The following NELL1 variants were observed in gnomAD, a reference collection of about 807,000 sequenced individuals.
NELL1 encodes protein kinase C-binding protein NELL1.
A neutral mutation model predicts 107.4 loss-of-function variants in NELL1; 76 were observed. The ratio of observed to expected loss-of-function variants is 0.71; its 90% CI spans 0.59 to 0.86. The LOEUF (loss-of-function observed/expected upper bound fraction) is 0.86, where lower values mean the gene tolerates loss of function less well. Among genes scored for constraint, NELL1 ranks in the 40% least tolerant of loss-of-function variants. The pLI is 0.00. For synonymous variants in NELL1, 353 were observed against 341.2 expected (o/e 1.03, Z -0.38); for missense variants, 1,024 against 1,005.5 (o/e 1.02, Z -0.25).
intron 13 of NELL1, among the ~76,000 whole-genome samples, chr11:21,166,922 G>A (rs971244368): frequency 7.9e-5 from 12 of 151,796 alleles, no homozygotes; most frequent in African/African-American, 2.9e-4. Flanking sequence ...TTCTTCCCAA[G>A]CTTAAAAGTC....
chr11:21,399,706 C>T (rs568628567), intron 15 of NELL1, among the ~76,000 whole-genome samples: 2 of 151,812 alleles, frequency 1.3e-5, no homozygotes, highest in African/African-American at 2.4e-5. Context: ...GGGTGGAATA[C>T]GGCAGACCTA....
chr11:21,428,394 G>A (rs1852885570), intron 15 of NELL1, among the ~76,000 whole-genome samples: 1 of 152,074 alleles, frequency 6.6e-6, no homozygotes, highest in Admixed American at 6.5e-5. Context: ...TCATAACTCT[G>A]AAATCATAAA....
chr11:21,491,577 A>G (rs933461037), intron 15 of NELL1, among the ~76,000 whole-genome samples: 9 of 152,152 alleles, frequency 5.9e-5, no homozygotes, highest in African/African-American at 2.2e-4. Flanking sequence ...TGGTACCAGT[A>G]CCATGCTGTT....
chr11:20,693,037 A>G (rs1366595227), intron 2 of NELL1, among the ~76,000 whole-genome samples: 82 of 151,950 alleles, frequency 5.4e-4, no homozygotes, highest in African/African-American at 1.9e-3. Flanking sequence ...TTACCATTAT[A>G]TAATGGCCTT....
At chr11:21,190,542 T>C (rs1857028282) in intron 13 of NELL1, among the ~76,000 whole-genome samples, 1 of 151,772 alleles carries the variant, frequency 6.6e-6, no homozygotes, top group African/African-American at 2.4e-5. Flanking sequence ...CTGCAGTGTC[T>C]ATGCTCCTTC....
intron 12 of NELL1, among the ~76,000 whole-genome samples, chr11:20,994,784 G>A (rs1314750277): frequency 4.6e-5 from 7 of 152,152 alleles, no homozygotes; most frequent in Non-Finnish European, 8.8e-5. Flanking sequence ...AGTTATTTTA[G>A]TGTAATATCC....
intron 13 of NELL1, among the ~76,000 whole-genome samples, chr11:21,155,520 C>A (rs1401785407): frequency 6.6e-6 from 1 of 152,040 alleles, no homozygotes; most frequent in Non-Finnish European, 1.5e-5. Flanking sequence ...GTAGGAAAAA[C>A]AACAGAAACA....
intron 12 of NELL1, among the ~76,000 whole-genome samples, chr11:21,050,038 A>G (rs781308983): frequency 6.6e-6 from 1 of 152,180 alleles, no homozygotes; most frequent in Non-Finnish European, 1.5e-5. Flanking sequence ...CCACAAGCAA[A>G]CGCAGATGTA....
intron 5 of NELL1, among the ~76,000 whole-genome samples, chr11:20,908,538 C>T (rs1323371116): frequency 6.6e-6 from 1 of 152,048 alleles, no homozygotes; most frequent in Non-Finnish European, 1.5e-5. Context: ...GGGAACATCA[C>T]ACACTGGGGC....
chr11:20,928,761 C>T lies in NELL1; in HGVS notation c.997+282C>T, dbSNP rs184058603. Among the ~76,000 whole-genome samples the T allele has an allele frequency of 8.1e-4, 123 of 152,124 alleles. 2 individuals are homozygous for T. Among genetic ancestry groups the T allele is most frequent in the Middle Eastern group, 3.4e-3 (1 of 292 alleles). ...GAACGTGTGTTCACAGGGATTAAGT[C>T]ACTTGTCCAACAAGTGGGTGAGGCT... is the stretch of plus-strand genomic sequence containing the variant. On this transcript the variant is annotated intron_variant, in intron 9 of 19. Coordinates refer to ENST00000357134, the MANE Select transcript of NELL1 (RefSeq NM_006157.5).
intron 2 of NELL1, among the ~76,000 whole-genome samples, chr11:20,699,601 G>A (rs1854718455): frequency 6.6e-6 from 1 of 152,056 alleles, no homozygotes; most frequent in Non-Finnish European, 1.5e-5. Flanking sequence ...CTCATGATCT[G>A]CCCACCTTGG....
chr11:21,351,190 G>A (rs577358942), intron 14 of NELL1, among the ~76,000 whole-genome samples: 1 of 152,220 alleles, frequency 6.6e-6, no homozygotes, highest in East Asian at 1.9e-4. Context: ...CTAGGACAGA[G>A]CACATGGAAC....
At chr11:21,467,163 A>G (rs1270609160) in intron 15 of NELL1, among the ~76,000 whole-genome samples, 1 of 152,084 alleles carries the variant, frequency 6.6e-6, no homozygotes. Flanking sequence ...TTCTGGAGTC[A>G]GGCAGCCTGG....
chr11:20,838,804 T>TGG (rs1554929898), intron 3 of NELL1, among the ~76,000 whole-genome samples: 1 of 152,150 alleles, frequency 6.6e-6, no homozygotes, highest in Non-Finnish European at 1.5e-5. Context: ...ATTAGTACAA[T>TGG]TACCATTACC....
intron 12 of NELL1, among the ~76,000 whole-genome samples, chr11:21,058,258 C>A (rs984119017): frequency 1.3e-5 from 2 of 152,120 alleles, no homozygotes; most frequent in African/African-American, 4.8e-5. Flanking sequence ...AATTAGAATA[C>A]ATTTTGAATT....
At chr11:20,933,513 G>A (rs916237375) in intron 9 of NELL1, among the ~76,000 whole-genome samples, 1 of 152,162 alleles carries the variant, frequency 6.6e-6, no homozygotes, top group African/African-American at 2.4e-5. Context: ...TCATAGAGGT[G>A]GTATCTGAAG....
chr11:21,033,066 G>A (rs191578237), intron 12 of NELL1, among the ~76,000 whole-genome samples: 1 of 152,120 alleles, frequency 6.6e-6, no homozygotes, highest in Non-Finnish European at 1.5e-5. Flanking sequence ...TGGCTCTCTT[G>A]GTGTGAAGTC....
intron 13 of NELL1, among the ~76,000 whole-genome samples, chr11:21,220,718 G>C (rs1215585099): frequency 6.6e-6 from 1 of 151,638 alleles, no homozygotes. Context: ...TGTTAATTTT[G>C]TATCCTGCAA....
intron 14 of NELL1, among the ~76,000 whole-genome samples, chr11:21,341,045 C>G (rs557366721): frequency 1.3e-5 from 2 of 152,154 alleles, no homozygotes; most frequent in African/African-American, 2.4e-5. Context: ...GTCCTCAGCT[C>G]TGTTTCCCTG....
Sources: gnomAD v4.1 joint callset for allele counts (sites outside exome capture counted in the v4.1 genomes callset) on GRCh38, gnomAD v4.1.1 for gene constraint, MANE v1.5 for transcripts, NCBI Gene and HGNC (gene_info 2026-07-23, HGNC 2026-07-21) for gene names.